The following CLCA2 variants were observed in gnomAD, a reference collection of about 807,000 sequenced individuals.
CLCA2 encodes the protein calcium-activated chloride channel regulator 2.
Under a neutral mutation model 82.9 loss-of-function variants are expected in CLCA2, and 85 were observed. The observed-to-expected ratio is 1.03, with a 90% CI of 0.86 to 1.23. The LOEUF is 1.23. CLCA2 is among the 50% of genes most tolerant of loss of function. The pLI is 0.00. For missense variants in CLCA2, 1,089 were observed against 1,124.8 expected (o/e 0.97, Z 0.45); for synonymous variants, 421 against 391.7 (o/e 1.07, Z -0.88).
At chr1:86,442,470 C>T (rs897511894) in intron 9 of CLCA2, among the ~76,000 whole-genome samples, 2 of 152,176 alleles carry the variant, frequency 1.3e-5, no homozygotes, top group African/African-American at 2.4e-5. Context: ...AACTTGCCCC[C>T]CTCCCGACAA....
chr1:86,444,228 C>T (rs1483530772), intron 10 of CLCA2, among the ~76,000 whole-genome samples: 1 of 152,198 alleles, frequency 6.6e-6, no homozygotes, highest in Non-Finnish European at 1.5e-5. Flanking sequence ...AATACTTCAA[C>T]ACTGAAAATT....
chr1:86,440,174 T>G lies in CLCA2; in HGVS notation c.1230T>G (p.Ala410=), dbSNP rs202177831. ...FEVVEKLNGK[A]YGSVMILVTS... ...TGGTTGAAAAACTGAATGGAAAAGC[T>G]TATGGCTCTGTGATGATATTAGTGA... is the stretch of plus-strand genomic sequence containing the variant. Residue 410 remains alanine, a synonymous_variant, in exon 8 of 14, where the codon GCT becomes GCG. Transcript: ENST00000370565. 1.6e-5 allele frequency: 26 copies of G among 1,613,996 alleles called. No individual in the cohort carries two copies. The highest frequency in any genetic ancestry group is 1.9e-5 in the Non-Finnish European group (23 of 1,179,988).
Position 86,455,165 on chromosome 1 carries a change from T to A in CLCA2, c.2470T>A (p.Ser824Thr). Residue 824 changes from serine (S) to threonine (T), a missense_variant, in exon 14 of 14, where the codon TCA becomes ACA. Ser to Thr is a moderately conservative substitution (Grantham distance 58). Transcript: ENST00000370565. ...DFNNAILVNT[S>T]KRNPQQAGIR... is the part of the protein sequence containing the mutation. Reference sequence around the variant, plus strand: ...TAACAATGCTATTTTAGTAAATACATCAAAGCGAAATCCTCAGCAAGCTGG... The same window carrying A: ...TAACAATGCTATTTTAGTAAATACAACAAAGCGAAATCCTCAGCAAGCTGG... 1 of 1,613,094 alleles carries A rather than the reference T, an allele frequency of 6.2e-7. No homozygotes were observed. Among genetic ancestry groups the A allele is most frequent in the Non-Finnish European group, 8.5e-7 (1 of 1,179,288 alleles).
At chr1:86,438,742 T>C in intron 6 of CLCA2, 134 bp from the exon 7 acceptor site, 2 of 699,644 alleles carry the variant, frequency 2.9e-6, no homozygotes, top group Non-Finnish European at 4.8e-6. Flanking sequence ...ATTATGTTAC[T>C]CTTTAAAGCT....
At chr1:86,444,872 C>A (rs1447666554) in intron 10 of CLCA2, among the ~76,000 whole-genome samples, 2 of 115,876 alleles carry the variant, frequency 1.7e-5, no homozygotes, top group Non-Finnish European at 3.9e-5. Context: ...GCTGCCCCAC[C>A]CCCACTTTTG....
chr1:86,431,741 C>G (rs1464454543), intron 4 of CLCA2, among the ~76,000 whole-genome samples: 4 of 152,174 alleles, frequency 2.6e-5, no homozygotes, highest in African/African-American at 7.2e-5. Context: ...CCACTCATGT[C>G]CTTCCTTGGG....
chr1:86,424,479 A>T (rs1662350106), intron 1 of CLCA2, 46 bp downstream of exon 1: 1 of 1,501,904 alleles, frequency 6.7e-7, no homozygotes, highest in South Asian at 1.3e-5. Context: ...ATTTGATCAG[A>T]CCTGTAGCCT....
At chr1:86,440,580 C>T (rs551312738) in intron 8 of CLCA2, among the ~76,000 whole-genome samples, 1 of 152,024 alleles carries the variant, frequency 6.6e-6, no homozygotes, top group South Asian at 2.1e-4. Context: ...CATGCATAAT[C>T]ATGGAGCTAA....
rs141904804 is a variant in CLCA2, at chr1:86,438,376, A to T, written c.973-500A>T. Among the ~76,000 whole-genome samples the T allele has an allele frequency of 1.7e-4, 26 of 152,320 alleles. No individual in the cohort carries two copies. The East Asian group carries it at 4.8e-3, about 28-fold the overall frequency. On this transcript the variant is annotated intron_variant, in intron 6 of 13. Coordinates refer to ENST00000370565, the MANE Select transcript of CLCA2 (RefSeq NM_006536.7). ...CCTCATGGCAATTCTAATTTCATAA[A>T]CAAGAAAGCTATCATCCTCACTCTA...
chr1:86,453,939 G>C (rs529517635), intron 13 of CLCA2, among the ~76,000 whole-genome samples: 4 of 152,202 alleles, frequency 2.6e-5, no homozygotes, highest in Non-Finnish European at 5.9e-5. Context: ...AAGTTGGGTA[G>C]TAAATATCTA....
In CLCA2 at chr1:86,453,467, G is replaced by T. The variant is rs771461265; in HGVS notation, c.2254G>T (p.Val752Leu). 12 of 1,614,146 alleles carry T rather than the reference G, an allele frequency of 7.4e-6. No individual in the cohort carries two copies. The highest frequency in any genetic ancestry group is 1.0e-5 in the Non-Finnish European group (12 of 1,180,018). The change falls in exon 13 of 14, where the codon GTG (valine) becomes TTG (leucine). Residue 752 changes from valine to leucine, a missense_variant. Coordinates refer to ENST00000370565, the MANE Select transcript of CLCA2 (RefSeq NM_006536.7). ...SRVSSGGSFS[V>L]LGVPAGPHPD... ...AGTCAGCTCAGGAGGCTCCTTTTCA[G>T]TGCTGGGAGTTCCAGCTGGCCCCCA...
At chr1:86,444,091 T>A in intron 10 of CLCA2, 80 bp downstream of exon 10, 1 of 904,990 alleles carries the variant, frequency 1.1e-6, no homozygotes, top group South Asian at 1.6e-5. Context: ...ATTAAATGCA[T>A]TGTGTAAAGA....
At chr1:86,434,925 G>T (rs1023351915) in intron 6 of CLCA2, among the ~76,000 whole-genome samples, 180 bp downstream of exon 6, 1 of 151,944 alleles carries the variant, frequency 6.6e-6, no homozygotes, top group African/African-American at 2.4e-5. Context: ...AGTAAGCCCC[G>T]CCTGCATTAA....
chr1:86,451,048 C>T (rs2781273), intron 12 of CLCA2, among the ~76,000 whole-genome samples: 151,969 of 152,282 alleles, frequency 1, 75,829 homozygotes, highest in Middle Eastern at 1. Flanking sequence ...TTCCTGCTTC[C>T]GTGTTTCCTC....
rs1046094803 is a variant in CLCA2, at chr1:86,456,482, C to T, written c.*955C>T. The T allele has an allele frequency of 2.0e-5, 3 of 152,128 alleles. No individual in the cohort carries two copies. 9.4% of individuals were successfully genotyped at this position (152,128 alleles called of 1,614,324 possible). On this transcript the variant is annotated 3_prime_UTR_variant, in exon 14 of 14. Transcript: ENST00000370565. ...TCACAAGGAAATAAAAATCATCTTT[C>T]ATCTTTAATTTTACTCCTTCCTCTT...
At chr1:86,434,407 TTTC>T in intron 5 of CLCA2, 108 bp from the exon 6 acceptor site, 1 of 823,566 alleles carries the variant, frequency 1.2e-6, no homozygotes, top group Admixed American at 2.5e-5. Flanking sequence ...CCACTTTTGA[TTTC>T]TTTTCTTTCA....
chr1:86,434,605 G>A lies in CLCA2; in HGVS notation c.832G>A (p.Val278Ile), dbSNP rs1662563879. 2 of 1,614,084 alleles carry A rather than the reference G, an allele frequency of 1.2e-6. No homozygotes were observed. Among genetic ancestry groups the A allele is most frequent in the South Asian group, 1.1e-5 (1 of 91,084 alleles). ...QMCSLRSAWD[V>I]ITDSADFHHS... is the part of the protein sequence containing the mutation. The stretch of plus-strand genomic sequence containing the variant: ...GTGCAGCCTCAGAAGTGCATGGGAT[G>A]TAATCACAGACTCTGCTGACTTTCA... Residue 278 changes from valine to isoleucine, a missense_variant, in exon 6 of 14, where the codon GTA becomes ATA. Transcript: ENST00000370565.
chr1:86,449,044 G>T (rs950065758), intron 11 of CLCA2, among the ~76,000 whole-genome samples: 1 of 152,098 alleles, frequency 6.6e-6, no homozygotes, highest in African/African-American at 2.4e-5. Context: ...CTAAAAAAAG[G>T]AACAATAAAA....
chr1:86,450,805 TG>T (rs1047678982), intron 12 of CLCA2, 72 bp downstream of exon 12: 10 of 1,319,942 alleles, frequency 7.6e-6, no homozygotes, highest in Middle Eastern at 3.9e-4. Context: ...ATGTGTGTAC[TG>T]GGGTGGCAGG....
Sources: allele counts gnomAD v4.1 joint callset (sites outside exome capture counted in the v4.1 genomes callset), GRCh38; gene constraint gnomAD v4.1.1; transcripts MANE v1.5; gene names NCBI Gene and HGNC (gene_info 2026-07-23, HGNC 2026-07-21).